The following SPOCK1 variants were observed in gnomAD, a reference collection of about 807,000 sequenced individuals.
SPOCK1 encodes the protein SPARC (osteonectin), cwcv and kazal like domains proteoglycan 1, also known as testican-1.
Under a neutral mutation model 55.3 loss-of-function variants are expected in SPOCK1, and 23 were observed. That is an observed-to-expected ratio of 0.42 (90% CI 0.30 to 0.59). SPOCK1 has a LOEUF of 0.59. Among genes scored for constraint, SPOCK1 ranks in the 20% least tolerant of loss-of-function variants. The probability of loss-of-function intolerance (pLI) is 0.22; values close to 1 mark genes in which losing one functional copy is unlikely to be tolerated. For synonymous variants in SPOCK1, 226 were observed against 221.0 expected (o/e 1.02, Z -0.20); for missense variants, 499 against 552.5 (o/e 0.90, Z 0.97).
intron 2 of SPOCK1, among the ~76,000 whole-genome samples, chr5:137,342,434 A>C (rs1019876944): frequency 2.0e-5 from 3 of 152,240 alleles, no homozygotes; most frequent in African/African-American, 7.2e-5. Flanking sequence ...TAAATAAAAA[A>C]TTCATTTGGT....
rs145632642 is a variant in SPOCK1 at position 137,455,177 on chromosome 5, T to A, written c.186+43196A>T. 8.7e-4 allele frequency among the ~76,000 whole-genome samples: 132 copies of A among 152,300 alleles called. 1 individual carries two copies. The highest frequency in any genetic ancestry group is 2.9e-3 in the African/African-American group (119 of 41,564). On this transcript the variant is annotated intron_variant, in intron 2 of 10. Coordinates refer to ENST00000394945, the MANE Select transcript of SPOCK1 (RefSeq NM_004598.4). The stretch of plus-strand genomic sequence containing the variant: ...CACAAGAGAATGCACCCATTTATCA[T>A]TGGGATAATATTACTTCACTTTCAT...
At chr5:137,291,706 T>C (rs1757374254) in intron 2 of SPOCK1, among the ~76,000 whole-genome samples, 1 of 152,228 alleles carries the variant, frequency 6.6e-6, no homozygotes, top group Non-Finnish European at 1.5e-5. Context: ...GGACATGCCC[T>C]GCCTGGAGTG....
At chr5:137,154,769 C>T (rs1205718662) in intron 3 of SPOCK1, among the ~76,000 whole-genome samples, 2 of 152,208 alleles carry the variant, frequency 1.3e-5, no homozygotes, top group African/African-American at 4.8e-5. Flanking sequence ...GTGACCATTG[C>T]TCAGAGTGCC....
chr5:137,086,775 G>A (rs921909179), intron 5 of SPOCK1, among the ~76,000 whole-genome samples: 1 of 152,206 alleles, frequency 6.6e-6, no homozygotes, highest in South Asian at 2.1e-4. Context: ...ATTTTAATGG[G>A]CATGTTTCGA....
chr5:137,289,718 A>T (rs1757333070), intron 2 of SPOCK1, among the ~76,000 whole-genome samples: 1 of 152,176 alleles, frequency 6.6e-6, no homozygotes, highest in Non-Finnish European at 1.5e-5. Context: ...TCAAAAAAAC[A>T]CCAAAAAGAG....
At chr5:137,162,135 T>C (rs1018818568) in intron 3 of SPOCK1, among the ~76,000 whole-genome samples, 4 of 150,726 alleles carry the variant, frequency 2.7e-5, no homozygotes, top group Non-Finnish European at 5.9e-5. Flanking sequence ...TGCTTTCTTT[T>C]TTTTTTTTTT....
chr5:137,181,401 A>C (rs1054554670), intron 3 of SPOCK1, among the ~76,000 whole-genome samples: 7 of 152,222 alleles, frequency 4.6e-5, no homozygotes, highest in Non-Finnish European at 2.9e-5. Context: ...TTCTATCAGC[A>C]ATGAGGACTA....
chr5:137,110,102 G>C (rs1753440047), intron 5 of SPOCK1, among the ~76,000 whole-genome samples: 1 of 152,180 alleles, frequency 6.6e-6, no homozygotes. Flanking sequence ...TGGAGCAAAA[G>C]GGGGCAGGCT....
At chr5:137,397,335 G>T (rs1043323001) in intron 2 of SPOCK1, among the ~76,000 whole-genome samples, 2 of 152,182 alleles carry the variant, frequency 1.3e-5, no homozygotes, top group East Asian at 3.8e-4. Flanking sequence ...GTGATGGACC[G>T]CTTGCTGTCA....
At chr5:137,484,498 C>A (rs1754012884) in intron 2 of SPOCK1, among the ~76,000 whole-genome samples, 1 of 152,190 alleles carries the variant, frequency 6.6e-6, no homozygotes, top group Non-Finnish European at 1.5e-5. Context: ...AGTACTTGCA[C>A]ATAACCTGGC....
intron 2 of SPOCK1, among the ~76,000 whole-genome samples, chr5:137,344,116 G>T (rs996211832): frequency 2.0e-5 from 3 of 152,122 alleles, no homozygotes; most frequent in African/African-American, 7.2e-5. Flanking sequence ...TTTAATTATC[G>T]CAAAGAGATT....
chr5:137,361,352 T>C (rs1403175650), intron 2 of SPOCK1, among the ~76,000 whole-genome samples: 1 of 152,200 alleles, frequency 6.6e-6, no homozygotes, highest in Non-Finnish European at 1.5e-5. Context: ...AGCTCTGTAA[T>C]GGGAGAGATA....
chr5:137,053,340 G>C (rs531244776), intron 6 of SPOCK1, among the ~76,000 whole-genome samples: 1 of 151,968 alleles, frequency 6.6e-6, no homozygotes, highest in African/African-American at 2.4e-5. Context: ...AGAAGTCTTG[G>C]AGTAAACCAG....
intron 6 of SPOCK1, among the ~76,000 whole-genome samples, chr5:137,022,918 G>A (rs1751602828): frequency 6.6e-6 from 1 of 152,156 alleles, no homozygotes; most frequent in South Asian, 2.1e-4. Context: ...TCACACGAGG[G>A]ACCAGTTAGT....
At chr5:137,267,315 C>G (rs1293095001) in intron 2 of SPOCK1, among the ~76,000 whole-genome samples, 1 of 152,206 alleles carries the variant, frequency 6.6e-6, no homozygotes, top group African/African-American at 2.4e-5. Context: ...CGCTGCTCTT[C>G]TTAGTTTGAC....
rs1295594395 is a variant in SPOCK1 at position 137,402,452 on chromosome 5, G to C, written c.186+95921C>G. ...ATTGACAACCATTTGGAGTGGGAAT[G>C]AGATGTGTTTTGTGTCACTTGGCTG... On this transcript the variant is annotated intron_variant, in intron 2 of 10. Transcript: ENST00000394945. 5.3e-5 allele frequency among the ~76,000 whole-genome samples: 8 copies of C among 152,236 alleles called. No homozygotes were observed. The South Asian group carries it at 1.2e-3, about 24-fold the overall frequency.
intron 2 of SPOCK1, among the ~76,000 whole-genome samples, chr5:137,406,046 T>C (rs1752091990): frequency 6.6e-6 from 1 of 152,204 alleles, no homozygotes; most frequent in Non-Finnish European, 1.5e-5. Flanking sequence ...TCCAGGTTGC[T>C]GTGACAGTCC....
chr5:137,173,914 A>G (rs993721245), intron 3 of SPOCK1, among the ~76,000 whole-genome samples: 3 of 152,202 alleles, frequency 2.0e-5, no homozygotes, highest in African/African-American at 7.2e-5. Flanking sequence ...TCCTTGCAAC[A>G]ATGCCACGAA....
At chr5:137,221,110 G>C (rs1324064997) in intron 3 of SPOCK1, among the ~76,000 whole-genome samples, 1 of 152,146 alleles carries the variant, frequency 6.6e-6, no homozygotes, top group Non-Finnish European at 1.5e-5. Flanking sequence ...ACATAAATGG[G>C]GGAGGCATTC....
Sources: allele counts gnomAD v4.1 joint callset (sites outside exome capture counted in the v4.1 genomes callset), GRCh38; gene constraint gnomAD v4.1.1; transcripts MANE v1.5; gene names NCBI Gene and HGNC (gene_info 2026-07-23, HGNC 2026-07-21).